CRMP1: variants seen among roughly 807,000 people sequenced by gnomAD.
CRMP1 encodes dihydropyrimidinase-related protein 1.
Under a neutral mutation model 68.3 loss-of-function variants are expected in CRMP1, and 19 were observed. That is an observed-to-expected ratio of 0.28 (90% CI 0.19 to 0.41). CRMP1 has a LOEUF of 0.41. Among genes scored for constraint, CRMP1 ranks in the 10% least tolerant of loss-of-function variants. The pLI, the probability that CRMP1 is intolerant of heterozygous loss-of-function variation, is 1.00. For missense variants in CRMP1, 791 were observed against 967.4 expected, an observed-to-expected ratio of 0.82 and a Z score of 2.42; for synonymous variants, 439 against 399.6, an observed-to-expected ratio of 1.10 and a Z score of -1.18.
At chr4:5,869,413 T>G (rs1381280753) in intron 1 of CRMP1, among the ~76,000 whole-genome samples, 5 of 152,112 alleles carry the variant, frequency 3.3e-5, no homozygotes, top group African/African-American at 4.8e-5. Flanking sequence ...CCAGGTGTGG[T>G]GGCTTATGCC....
chr4:5,846,388 G>A (rs1453927281), intron 6 of CRMP1, among the ~76,000 whole-genome samples: 3 of 152,156 alleles, frequency 2.0e-5, no homozygotes, highest in Admixed American at 6.5e-5. Flanking sequence ...AGGGCCTCTG[G>A]GAAGCTTGCA....
At position 5,859,304 on chromosome 4, in the gene CRMP1, G is replaced by A. The variant is rs1713366625; in HGVS notation, c.655+1722C>T. On this transcript the variant is annotated intron_variant, in intron 3 of 13. Transcript: ENST00000324989. The surrounding 1 kb of genome is among the most constrained non-coding windows in gnomAD (Gnocchi z 5.2). ...TTCCATGAAACACACTTTGGAAACT[G>A]CCCTTCACAGGTGAGGAGGATAAGG... 1.3e-5 allele frequency among the ~76,000 whole-genome samples: 2 copies of A among 152,256 alleles called. No homozygotes were observed. Among genetic ancestry groups the A allele is most frequent in the South Asian group, 4.2e-4 (2 of 4,818 alleles).
In CRMP1 at chr4:5,836,835, T is replaced by C. The variant is rs1720760982; in HGVS notation, c.1382A>G (p.Asn461Ser). 1 of 1,614,104 alleles carries C rather than the reference T, an allele frequency of 6.2e-7. No homozygotes were observed. The highest frequency in any genetic ancestry group is 1.3e-5 in the African/African-American group (1 of 75,020). Residue 461 changes from asparagine to serine, a missense_variant, in exon 10 of 14, where the codon AAC becomes AGC. Physicochemically the swap from Asn to Ser is conservative, Grantham distance 46 (BLOSUM62 1). Transcript: ENST00000324989. Reference sequence around the variant, plus strand: ...GACACCCTCGGGGATCAGGGTAAAGTTGTCCTTGCCCACCGCCTTCTGGGC... The same window carrying C: ...GACACCCTCGGGGATCAGGGTAAAGCTGTCCTTGCCCACCGCCTTCTGGGC... Reference protein sequence around the residue: ...STAQKAVGKDNFTLIPEGVNG... With the variant: ...STAQKAVGKDSFTLIPEGVNG...
intron 1 of CRMP1, among the ~76,000 whole-genome samples, chr4:5,882,788 G>A (rs1312133760): frequency 6.6e-6 from 1 of 152,140 alleles, no homozygotes. Context: ...ATTAACCAAA[G>A]AAGAAGATCA....
chr4:5,882,134 T>C (rs563969245), intron 1 of CRMP1, among the ~76,000 whole-genome samples: 2 of 152,356 alleles, frequency 1.3e-5, no homozygotes, highest in South Asian at 2.1e-4. Flanking sequence ...ACATCTCCTC[T>C]AGAAAGACTG....
At chr4:5,828,124 C>T in intron 12 of CRMP1, 1 of 985,412 alleles carries the variant, frequency 1.0e-6, no homozygotes, top group Non-Finnish European at 1.2e-6. Context: ...CTAAGCCCTT[C>T]ACTGCTCTGG....
chr4:5,837,637 A>AAAT (rs1279639777), intron 9 of CRMP1, among the ~76,000 whole-genome samples: 1 of 132,364 alleles, frequency 7.6e-6, no homozygotes, highest in Non-Finnish European at 1.5e-5. Flanking sequence ...TCAAAAAATA[A>AAAT]AATAAAATAA....
rs147319904 is a variant in CRMP1 at position 5,828,950 on chromosome 4, A to G, written c.1624-282T>C. 2.1e-3 allele frequency among the ~76,000 whole-genome samples: 315 copies of G among 152,296 alleles called. 1 individual carries two copies. Among genetic ancestry groups the G allele is most frequent in the African/African-American group, 7.3e-3 (304 of 41,574 alleles). ...GAAGGGGGTCCCCCGGGGTTATGCA[A>G]TGTGGCTGCTTTGACTGTACTGGAC... On this transcript the variant is annotated intron_variant, in intron 11 of 13. Transcript: ENST00000324989.
Position 5,836,768 on chromosome 4 carries a change from C to T in CRMP1, c.1449G>A (p.Ala483=), listed in dbSNP as rs779301264. The T allele has an allele frequency of 1.2e-5, 19 of 1,613,982 alleles. No individual in the cohort carries two copies. Among genetic ancestry groups the T allele is most frequent in the South Asian group, 5.5e-5 (5 of 91,066 alleles). The change falls in exon 10 of 14, where the codon GCG becomes GCA. Residue 483 remains alanine, a synonymous_variant. Coordinates refer to ENST00000324989, the MANE Select transcript of CRMP1 (RefSeq NM_001014809.3). The stretch of plus-strand genomic sequence containing the variant: ...CTGAGAAGAGATCCAGCCTTACCAC[C>T]GCCTTGTCCCAGACGACCGTCATCC... ...EERMTVVWDK[A]VATGKMDENQ... is the part of the protein sequence containing the mutation.
Position 5,859,092 on chromosome 4 carries a change from G to A in CRMP1, c.655+1934C>T, listed in dbSNP as rs1237118034. Reference sequence around the variant, plus strand: ...GTCACAGTTTCTAGTCATACATGTGGACGATTAGTGACTCCCCAAGAGATG... The same window carrying A: ...GTCACAGTTTCTAGTCATACATGTGAACGATTAGTGACTCCCCAAGAGATG... On this transcript the variant is annotated intron_variant, in intron 3 of 13. Coordinates refer to ENST00000324989, the MANE Select transcript of CRMP1 (RefSeq NM_001014809.3). The surrounding 1 kb of genome is among the most constrained non-coding windows in gnomAD (Gnocchi z 5.2). Among the ~76,000 whole-genome samples, 3 of 152,182 alleles carry A rather than the reference G, an allele frequency of 2.0e-5. No individual in the cohort carries two copies. The highest frequency in any genetic ancestry group is 4.4e-5 in the Non-Finnish European group (3 of 68,044).
chr4:5,848,179 CTG>C lies in CRMP1; in HGVS notation c.963+1211_963+1212del, dbSNP rs570549214. On this transcript the variant is annotated intron_variant, in intron 6 of 13. Coordinates refer to ENST00000324989, the MANE Select transcript of CRMP1 (RefSeq NM_001014809.3). ...TTTTTTTTTGAGACAGAGTCTCACT[CTG>C]TTGCCCAGGCTGGAGTGCAGTGGCG... Among the ~76,000 whole-genome samples the C allele has an allele frequency of 1.2e-4, 18 of 150,932 alleles. No individual in the cohort carries two copies. In the East Asian group the frequency reaches 2.7e-3, roughly 23 times the overall value.
rs1423459910 is a variant in CRMP1, at chr4:5,891,769, C to A, written c.381+820G>T. On this transcript the variant is annotated intron_variant, in intron 1 of 13. Coordinates refer to ENST00000324989, the MANE Select transcript of CRMP1 (RefSeq NM_001014809.3). The surrounding 1 kb of genome is among the most constrained non-coding windows in gnomAD (Gnocchi z 5.2). ...CGCCGTCCATCCGCCCTTCTTCCCC[C>A]AGTTTCCTGGTGACCCCCAGCTCAA... Among the ~76,000 whole-genome samples the A allele has an allele frequency of 6.6e-6, 1 of 152,232 alleles. No homozygotes were observed. The highest frequency in any genetic ancestry group is 1.5e-5 in the Non-Finnish European group (1 of 68,046).
In CRMP1 at chr4:5,892,499, G is replaced by C. The variant is rs1402718559; in HGVS notation, c.381+90C>G. On this transcript the variant is annotated intron_variant, in intron 1 of 13. Transcript: ENST00000324989. This position sits in a 1 kb window ranked among gnomAD's most constrained non-coding sequence, Gnocchi z 8.6. ...GCCTGGCGGCCGCTGCCCCAACACC[G>C]GGGCCCGGGCATGGCCCTCGGGCGC... is the stretch of plus-strand genomic sequence containing the variant. 1.8e-6 allele frequency: 2 copies of C among 1,121,232 alleles called. No homozygotes were observed. Among genetic ancestry groups the C allele is most frequent in the Non-Finnish European group, 2.2e-6 (2 of 912,602 alleles). 69.5% of individuals were successfully genotyped at this position (1,121,232 alleles called of 1,614,324 possible).
chr4:5,821,483 A>T lies in CRMP1; in HGVS notation c.*277T>A, dbSNP rs1488453877. The T allele has an allele frequency of 2.0e-6, 1 of 499,648 alleles. No individual in the cohort carries two copies. The highest frequency in any genetic ancestry group is 3.6e-6 in the Non-Finnish European group (1 of 276,302). The allele number at this position is 499,648 out of a possible 1,614,324, so 31.0% of individuals were successfully genotyped here. A position where few individuals can be genotyped will look rare whatever the true frequency, so the allele number is the denominator to read the frequency against. ...TTAGAAGTGGAAGGGACAGAACAAG[A>T]CAATGCTAAAACCTGTGGTTCACTA... On this transcript the variant is annotated 3_prime_UTR_variant, in exon 14 of 14. Transcript: ENST00000324989. This position sits in a 1 kb window ranked among gnomAD's most constrained non-coding sequence, Gnocchi z 4.4.
chr4:5,821,680 G>A lies in CRMP1; in HGVS notation c.*80C>T. 7.4e-7 allele frequency: 1 copy of A among 1,349,334 alleles called. No individual in the cohort carries two copies. Among genetic ancestry groups the A allele is most frequent in the Non-Finnish European group, 1.0e-6 (1 of 975,290 alleles). 83.6% of individuals were successfully genotyped at this position (1,349,334 alleles called of 1,614,324 possible). A position where few individuals can be genotyped will look rare whatever the true frequency, so the allele number is the denominator to read the frequency against. ...CTCCATCAGCACCAACTAAAACTGTGGGTTTCAAAAACACTGACAGGAAAA... is the reference window on the plus strand; with the variant it reads ...CTCCATCAGCACCAACTAAAACTGTAGGTTTCAAAAACACTGACAGGAAAA... On this transcript the variant is annotated 3_prime_UTR_variant, in exon 14 of 14. Transcript: ENST00000324989. The surrounding 1 kb of genome is among the most constrained non-coding windows in gnomAD (Gnocchi z 4.4).
intron 13 of CRMP1, among the ~76,000 whole-genome samples, chr4:5,823,901 T>C (rs979356039): frequency 1.3e-5 from 2 of 152,166 alleles, no homozygotes; most frequent in African/African-American, 2.4e-5. Context: ...TACGCAGATA[T>C]TAAAAAGGGC....
At position 5,839,615 on chromosome 4, in the gene CRMP1, C is replaced by T. The variant is rs939261116; in HGVS notation, c.1217G>A (p.Ser406Asn). The T allele has an allele frequency of 5.0e-6, 8 of 1,613,226 alleles. No homozygotes were observed. Among genetic ancestry groups the T allele is most frequent in the Non-Finnish European group, 5.9e-6 (7 of 1,179,612 alleles). Residue 406 changes from serine to asparagine, a missense_variant, in exon 9 of 14, where the codon AGC (serine) becomes AAC (asparagine). By Grantham distance (46) the Ser-to-Asn change is conservative. Transcript: ENST00000324989. ...CGCCGCAGCCTTGGCCCAGTTCTTG[C>T]TCCAGTAATGGGTGCCATCGGTCCC... Reference protein sequence around the residue: ...SLGTDGTHYWSKNWAKAAAFV... With the variant: ...SLGTDGTHYWNKNWAKAAAFV...
chr4:5,846,654 G>T (rs1256485243), intron 6 of CRMP1, among the ~76,000 whole-genome samples: 1 of 150,442 alleles, frequency 6.6e-6, no homozygotes, highest in Non-Finnish European at 1.5e-5. Context: ...GTAGTGGCGT[G>T]ATCTCATCTC....
rs1713313934 is a variant in CRMP1 at position 5,858,633 on chromosome 4, C to T, written c.656-2326G>A. On this transcript the variant is annotated intron_variant, in intron 3 of 13. Transcript: ENST00000324989. The surrounding 1 kb of genome is among the most constrained non-coding windows in gnomAD (Gnocchi z 5.5). The stretch of plus-strand genomic sequence containing the variant: ...ATTACGCAATCGCCTCCCAACTGGT[C>T]CAGACACATCCCATCCAGGCCACTC... Among the ~76,000 whole-genome samples, 5 of 152,170 alleles carry T rather than the reference C, an allele frequency of 3.3e-5. No homozygotes were observed. The highest frequency in any genetic ancestry group is 6.5e-5 in the Admixed American group (1 of 15,282).
Sources: allele counts gnomAD v4.1 joint callset (sites outside exome capture counted in the v4.1 genomes callset), GRCh38; gene constraint gnomAD v4.1.1; non-coding constraint Gnocchi (gnomAD v3.1); transcripts MANE v1.5; gene names NCBI Gene and HGNC (gene_info 2026-07-23, HGNC 2026-07-21).